SLC24A2: variants seen among roughly 807,000 people sequenced by gnomAD.
The protein encoded by SLC24A2 is solute carrier family 24 member 2, also known as sodium/potassium/calcium exchanger 2.
In SLC24A2, 36 loss-of-function variants were observed where a neutral mutation model predicts 62.0. The ratio of observed to expected loss-of-function variants is 0.58; its 90% CI spans 0.44 to 0.77. The LOEUF is 0.77. Ranked by LOEUF, SLC24A2 falls within the 30% of genes least tolerant of loss-of-function variation. SLC24A2 has a pLI of 0.00. For missense variants in SLC24A2, 846 were observed against 817.9 expected (o/e 1.03, Z -0.42); for synonymous variants, 358 against 294.0 (o/e 1.22, Z -2.23).
chr9:19,763,782 T>C (rs1240948833), intron 2 of SLC24A2, among the ~76,000 whole-genome samples: 1 of 152,162 alleles, frequency 6.6e-6, no homozygotes, highest in Admixed American at 6.6e-5. Flanking sequence ...TCTTTTTTTG[T>C]TGTGTCTCTG....
At chr9:20,191,477 G>A in the SLC24A2 span, among the ~76,000 whole-genome samples, 1 of 151,970 alleles carries the variant, frequency 6.6e-6, no homozygotes, top group African/African-American at 2.4e-5. Context: ...CCTAAGACCA[G>A]AAGTGAGGTG....
the SLC24A2 span, among the ~76,000 whole-genome samples, chr9:19,818,811 T>C: frequency 1.1e-4 from 17 of 152,188 alleles, no homozygotes; most frequent in Non-Finnish European, 1.9e-4. Context: ...CCCATCAAAA[T>C]ACCACCATCA....
the SLC24A2 span, among the ~76,000 whole-genome samples, chr9:19,882,308 T>C: frequency 6.6e-6 from 1 of 152,230 alleles, no homozygotes; most frequent in Non-Finnish European, 1.5e-5. Context: ...GGTATCATAC[T>C]GGTGTTTTAA....
chr9:19,857,189 T>C, the SLC24A2 span, among the ~76,000 whole-genome samples: 1 of 152,188 alleles, frequency 6.6e-6, no homozygotes, highest in Non-Finnish European at 1.5e-5. Context: ...TTCTAGAGTT[T>C]ACTTATATTC....
the SLC24A2 span, among the ~76,000 whole-genome samples, chr9:19,990,922 G>GAGATATATATATATATAT: frequency 1.7e-5 from 2 of 120,816 alleles, no homozygotes; most frequent in African/African-American, 7.3e-5. Context: ...GGACTAATAG[G>GAGATATATATATATATAT]ATATATATAT....
the SLC24A2 span, among the ~76,000 whole-genome samples, chr9:20,236,213 C>T: frequency 1.3e-5 from 2 of 152,284 alleles, no homozygotes; most frequent in South Asian, 4.1e-4. Context: ...ACATGGAATC[C>T]CTGGTACTTT....
At chr9:19,802,329 A>G in the SLC24A2 span, among the ~76,000 whole-genome samples, 317 of 152,338 alleles carry the variant, frequency 2.1e-3, 4 homozygotes, top group African/African-American at 6.2e-3. Context: ...TTTGTCTTTC[A>G]TAGCTACTGT....
chr9:20,168,896 G>C, the SLC24A2 span, among the ~76,000 whole-genome samples: 1 of 151,996 alleles, frequency 6.6e-6, no homozygotes, highest in African/African-American at 2.4e-5. Context: ...ACAGGCATTT[G>C]TTCGCCAATG....
chr9:20,038,244 C>T, the SLC24A2 span, among the ~76,000 whole-genome samples: 78 of 152,292 alleles, frequency 5.1e-4, no homozygotes, highest in African/African-American at 1.8e-3. Flanking sequence ...AACCTCTAAG[C>T]TTCAATTTCT....
chr9:19,671,791 T>C (rs1018934992), intron 2 of SLC24A2, among the ~76,000 whole-genome samples: 1 of 120,054 alleles, frequency 8.3e-6, no homozygotes, highest in South Asian at 2.5e-4. Context: ...TCAAATGCTT[T>C]TCCTGCATCT....
the SLC24A2 span, among the ~76,000 whole-genome samples, chr9:20,189,092 T>TTTTTTTTTTTTTTTC: frequency 7.0e-6 from 1 of 142,862 alleles, no homozygotes; most frequent in Non-Finnish European, 1.5e-5. Context: ...TTTTTTTTTT[T>TTTTTTTTTTTTTTTC]CCCAGTTGAT....
chr9:19,854,941 C>T, the SLC24A2 span, among the ~76,000 whole-genome samples: 6 of 152,130 alleles, frequency 3.9e-5, no homozygotes, highest in Non-Finnish European at 4.4e-5. Context: ...CTTTGCAGGT[C>T]TCTAAGAACT....
At chr9:19,521,516 C>G (rs1833198973) in intron 9 of SLC24A2, among the ~76,000 whole-genome samples, 1 of 152,168 alleles carries the variant, frequency 6.6e-6, no homozygotes, top group East Asian at 1.9e-4. Flanking sequence ...CTCCTAGTGT[C>G]TATAATCTAT....
chr9:19,528,094 G>C lies in SLC24A2; in HGVS notation c.1524C>G (p.Thr508=), dbSNP rs1460917917. Residue 508 remains threonine, a synonymous_variant, in exon 9 of 11, where the codon ACC becomes ACG. Coordinates refer to ENST00000341998, the MANE Select transcript of SLC24A2 (RefSeq NM_020344.4). ...FFPITFFGSI[T]WIAVFSYLMV... ...TCAAGTAAGAGAATACTGCAATCCA[G>C]GTAATGGAGCCAAAGAACGTGATGG... 1.3e-6 allele frequency: 2 copies of C among 1,598,918 alleles called. No homozygotes were observed. The highest frequency in any genetic ancestry group is 2.2e-5 in the East Asian group (1 of 44,640).
the SLC24A2 span, among the ~76,000 whole-genome samples, chr9:19,964,812 G>A: frequency 1.3e-5 from 2 of 152,216 alleles, no homozygotes; most frequent in Non-Finnish European, 2.9e-5. Flanking sequence ...GTGGTCTTCT[G>A]TAGCATGTCT....
At chr9:19,913,879 T>C in the SLC24A2 span, among the ~76,000 whole-genome samples, 1 of 152,056 alleles carries the variant, frequency 6.6e-6, no homozygotes, top group African/African-American at 2.4e-5. Context: ...TTCTTTTTTT[T>C]CTTTTTTTAA....
At chr9:19,963,389 G>C in the SLC24A2 span, among the ~76,000 whole-genome samples, 1 of 151,000 alleles carries the variant, frequency 6.6e-6, no homozygotes, top group African/African-American at 2.4e-5. Context: ...AAACTAAAGA[G>C]CTTCTGCACA....
rs1239358485 is a variant in SLC24A2 at position 19,514,744 on chromosome 9, G to A, written c.*1409C>T. The A allele has an allele frequency of 6.6e-6, 1 of 152,220 alleles. No homozygotes were observed. Among genetic ancestry groups the A allele is most frequent in the Non-Finnish European group, 1.5e-5 (1 of 68,044 alleles). 9.4% of individuals were successfully genotyped at this position (152,220 alleles called of 1,614,324 possible). Reference sequence around the variant, plus strand: ...AATCCCAGATAAGGTCTTGATGGAAGAAGAGACATAGATGTTACAAGAACT... The same window carrying A: ...AATCCCAGATAAGGTCTTGATGGAAAAAGAGACATAGATGTTACAAGAACT... On this transcript the variant is annotated 3_prime_UTR_variant, in exon 11 of 11. Transcript: ENST00000341998.
the SLC24A2 span, among the ~76,000 whole-genome samples, chr9:20,212,511 C>T: frequency 7.9e-5 from 12 of 151,488 alleles, no homozygotes; most frequent in East Asian, 1.9e-4. Flanking sequence ...ATTAGCAGGG[C>T]GTGGTGGCAC....
Sources: allele counts gnomAD v4.1 joint callset (sites outside exome capture counted in the v4.1 genomes callset), GRCh38; gene constraint gnomAD v4.1.1; transcripts MANE v1.5; gene names NCBI Gene and HGNC (gene_info 2026-07-23, HGNC 2026-07-21).